Variants in VAV2 observed in about 807,000 individuals in gnomAD.
VAV2 encodes the protein guanine nucleotide exchange factor VAV2.
A neutral mutation model predicts 132.5 loss-of-function variants in VAV2; 67 were observed. The ratio of observed to expected loss-of-function variants is 0.51; its 90% confidence interval spans 0.42 to 0.62. The LOEUF is 0.62. VAV2 is among the 20% of genes least tolerant of loss of function. VAV2 has a pLI of 0.00. For missense variants in VAV2, 938 were observed against 1,153.6 expected, an observed-to-expected ratio of 0.81 and a Z score of 2.71; for synonymous variants, 492 against 443.5, an observed-to-expected ratio of 1.11 and a Z score of -1.37.
At chr9:133,972,510 CT>C (rs1257395027) in intron 1 of VAV2, among the ~76,000 whole-genome samples, 1 of 152,190 alleles carries the variant, frequency 6.6e-6, no homozygotes, top group African/African-American at 2.4e-5. Context: ...TTGCCGCTGG[CT>C]CCCGCAGACA....
chr9:133,927,979 A>G (rs1840538250), intron 2 of VAV2: 1 of 152,116 alleles, frequency 6.6e-6, no homozygotes, highest in Non-Finnish European at 1.5e-5. Context: ...CAGTGGGCTG[A>G]GCCTGACCTC....
At chr9:133,772,195 G>T in intron 25 of VAV2, 149 bp from the exon 26 acceptor site, 2 of 671,360 alleles carry the variant, frequency 3.0e-6, no homozygotes, top group Non-Finnish European at 5.1e-6. Flanking sequence ...TCCTACCCCA[G>T]CCCTTCGGGC....
rs551789068 is a variant in VAV2 at position 133,961,941 on chromosome 9, C to G, written c.205-22722G>C. 1.2e-3 allele frequency among the ~76,000 whole-genome samples: 179 copies of G among 152,310 alleles called. 2 individuals are homozygous for G. The highest frequency in any genetic ancestry group is 1.2e-3 in the Non-Finnish European group (83 of 68,022). Reference sequence around the variant, plus strand: ...CACCCCACGGTGGCCCCTGCCAGAACCCAGCATCATCCCCCATGCCGGGTG... The same window carrying G: ...CACCCCACGGTGGCCCCTGCCAGAAGCCAGCATCATCCCCCATGCCGGGTG... On this transcript the variant is annotated intron_variant, in intron 1 of 29. Coordinates refer to ENST00000371850, the MANE Select transcript of VAV2 (RefSeq NM_001134398.2). The surrounding 1 kb of genome is among the most constrained non-coding windows in gnomAD (Gnocchi z 4.1).
rs1380096480 is a variant in VAV2 at position 133,840,654 on chromosome 9, C to T, written c.381-6314G>A. ...CCTGCTTCCAAAGAGCTCCTTCACT[C>T]TCCTCCCGTCCTTCCCCGGGGAATT... On this transcript the variant is annotated intron_variant, in intron 3 of 29. Transcript: ENST00000371850. This position sits in a 1 kb window ranked among gnomAD's most constrained non-coding sequence, Gnocchi z 4.5. Among the ~76,000 whole-genome samples the T allele has an allele frequency of 1.3e-5, 2 of 152,234 alleles. No individual in the cohort carries two copies. The highest frequency in any genetic ancestry group is 2.9e-5 in the Non-Finnish European group (2 of 68,046).
At chr9:133,932,722 T>C (rs543924038) in intron 2 of VAV2, among the ~76,000 whole-genome samples, 3,439 of 58,584 alleles carry the variant, frequency 0.059, 120 homozygotes, top group African/African-American at 0.093. Context: ...AGCTTTGCTC[T>C]CACCCGCCTG....
At chr9:133,895,269 G>A (rs1839152780) in intron 2 of VAV2, among the ~76,000 whole-genome samples, 1 of 151,876 alleles carries the variant, frequency 6.6e-6, no homozygotes, top group African/African-American at 2.4e-5. Context: ...ACAGTTATAG[G>A]TGCAGCTCCT....
rs372238319 is a variant in VAV2 at position 133,769,533 on chromosome 9, G to A, written c.2348-30C>T. 57 of 1,591,008 alleles carry A rather than the reference G, an allele frequency of 3.6e-5. No individual in the cohort carries two copies. Among genetic ancestry groups the A allele is most frequent in the African/African-American group, 2.0e-4 (15 of 74,436 alleles). On this transcript the variant is annotated intron_variant, in intron 27 of 29. Transcript: ENST00000371850. This position sits in a 1 kb window ranked among gnomAD's most constrained non-coding sequence, Gnocchi z 8.1. ...AAAGAGGCGAGAGAGAACGTGAGGC[G>A]GGCAGCAGGGCATCCACGCACAGTC...
intron 2 of VAV2, among the ~76,000 whole-genome samples, chr9:133,866,607 C>G (rs372621266): frequency 5.3e-5 from 8 of 152,106 alleles, no homozygotes; most frequent in African/African-American, 1.9e-4. Flanking sequence ...AGTTTGAGAC[C>G]AGCCTGGCCA....
At chr9:133,905,693 CTGGGGGGT>C (rs1380820948) in intron 2 of VAV2, among the ~76,000 whole-genome samples, 4 of 152,056 alleles carry the variant, frequency 2.6e-5, no homozygotes, top group Non-Finnish European at 4.4e-5. Context: ...AAGACCAGCC[CTGGGGGGT>C]AGCCACCTCT....
chr9:133,936,359 C>T (rs1037644765), intron 2 of VAV2, among the ~76,000 whole-genome samples: 2 of 151,770 alleles, frequency 1.3e-5, no homozygotes, highest in Non-Finnish European at 1.5e-5. Context: ...TCTCCTGCCT[C>T]AGCCTCCCAA....
chr9:133,818,794 C>T (rs1166926634), intron 4 of VAV2, among the ~76,000 whole-genome samples: 3 of 152,206 alleles, frequency 2.0e-5, no homozygotes, highest in Non-Finnish European at 4.4e-5. Flanking sequence ...CTGAGCATGA[C>T]TCACTTTCTC....
At chr9:133,957,984 T>C (rs1038328625) in intron 1 of VAV2, among the ~76,000 whole-genome samples, 3 of 145,270 alleles carry the variant, frequency 2.1e-5, no homozygotes, top group African/African-American at 4.9e-5. Flanking sequence ...ATGTGCTTTG[T>C]TAAACAGATG....
chr9:133,822,472 C>T (rs976236593), intron 4 of VAV2, among the ~76,000 whole-genome samples: 6 of 152,134 alleles, frequency 3.9e-5, no homozygotes, highest in Non-Finnish European at 7.3e-5. Flanking sequence ...TGGGGAAGGA[C>T]GGACGGAGAG....
chr9:133,929,878 G>A (rs567983701), intron 2 of VAV2, among the ~76,000 whole-genome samples: 10 of 152,302 alleles, frequency 6.6e-5, no homozygotes, highest in South Asian at 6.2e-4. Flanking sequence ...CAGCTGTGAC[G>A]GATCAATGGT....
intron 2 of VAV2, among the ~76,000 whole-genome samples, chr9:133,927,155 T>C (rs536587901): frequency 1.3e-5 from 2 of 152,278 alleles, no homozygotes; most frequent in East Asian, 1.9e-4. Flanking sequence ...CCCTCAGCTA[T>C]TGTGCTCTCT....
At chr9:133,903,282 G>A (rs1004378349) in intron 2 of VAV2, among the ~76,000 whole-genome samples, 2 of 152,118 alleles carry the variant, frequency 1.3e-5, no homozygotes, top group Non-Finnish European at 2.9e-5. Context: ...ACATTTCGGT[G>A]GTTTCACAGG....
chr9:133,974,667 T>C (rs1364921325), intron 1 of VAV2, among the ~76,000 whole-genome samples: 1 of 152,022 alleles, frequency 6.6e-6, no homozygotes, highest in East Asian at 1.9e-4. Context: ...ACAGCTCCCT[T>C]AACGTGGTCC....
chr9:133,812,830 AC>A (rs1835410290), intron 4 of VAV2, among the ~76,000 whole-genome samples: 1 of 151,990 alleles, frequency 6.6e-6, no homozygotes, highest in African/African-American at 2.4e-5. Flanking sequence ...CCAACAAGCC[AC>A]CCCTCTGCCT....
intron 1 of VAV2, among the ~76,000 whole-genome samples, chr9:133,973,002 C>T (rs1842390270): frequency 1.3e-5 from 2 of 152,106 alleles, no homozygotes; most frequent in Non-Finnish European, 2.9e-5. Context: ...GAGGAGGGCA[C>T]TGGGGAAGCC....
Sources: gnomAD v4.1 joint callset for allele counts (sites outside exome capture counted in the v4.1 genomes callset) on GRCh38, gnomAD v4.1.1 for gene constraint, Gnocchi (gnomAD v3.1) non-coding constraint, MANE v1.5 for transcripts, NCBI Gene and HGNC (gene_info 2026-07-23, HGNC 2026-07-21) for gene names.